The following ATCAY variants were observed in gnomAD, a reference collection of about 807,000 sequenced individuals.
ATCAY encodes caytaxin.
ATCAY carries 22 observed loss-of-function variants against 47.7 expected under a neutral mutation model. That is an observed-to-expected ratio of 0.46 (90% CI 0.33 to 0.66). ATCAY has a LOEUF of 0.66. Ranked by LOEUF, ATCAY falls within the 30% of genes least tolerant of loss-of-function variation. The pLI, the probability that ATCAY is intolerant of heterozygous loss-of-function variation, is 0.02. For missense variants in ATCAY, 452 were observed against 515.0 expected (o/e 0.88, Z 1.18); for synonymous variants, 216 against 207.6 (o/e 1.04, Z -0.35).
intron 2 of ATCAY, among the ~76,000 whole-genome samples, chr19:3,891,528 T>C (rs1298422882): frequency 6.6e-6 from 1 of 151,904 alleles, no homozygotes; most frequent in African/African-American, 2.4e-5. Context: ...GCTGGGTTCA[T>C]GGCACTTCTG....
chr19:3,884,333 A>G (rs2038628350), intron 1 of ATCAY, among the ~76,000 whole-genome samples: 2 of 151,104 alleles, frequency 1.3e-5, no homozygotes, highest in Non-Finnish European at 1.5e-5. Context: ...GGTAGTAAAG[A>G]TGAGGGTCTC....
At chr19:3,886,368 G>C (rs184507519) in intron 2 of ATCAY, among the ~76,000 whole-genome samples, 1 of 152,052 alleles carries the variant, frequency 6.6e-6, no homozygotes, top group South Asian at 2.1e-4. Context: ...CGAGGCGGGC[G>C]GATCATGAGG....
intron 10 of ATCAY, 97 bp from the exon 11 acceptor site, chr19:3,918,709 G>T: frequency 1.5e-6 from 2 of 1,320,302 alleles, no homozygotes; most frequent in African/African-American, 1.5e-5. Flanking sequence ...CAGGTCCCAG[G>T]GGACAGGAAA....
intron 2 of ATCAY, among the ~76,000 whole-genome samples, chr19:3,888,612 AGAGT>A (rs1339343149): frequency 6.6e-6 from 1 of 152,138 alleles, no homozygotes; most frequent in East Asian, 1.9e-4. Flanking sequence ...CCCGGGCAGT[AGAGT>A]GAGTGAGAGT....
In ATCAY at chr19:3,924,658, C is replaced by T. The variant is rs2039051429; in HGVS notation, c.*66C>T. Reference sequence around the variant, plus strand: ...GATGCCAGAAAACCTCTGTCAGACGCCCACTGGCCCCAGATCTCATCCTGC... The same window carrying T: ...GATGCCAGAAAACCTCTGTCAGACGTCCACTGGCCCCAGATCTCATCCTGC... On this transcript the variant is annotated 3_prime_UTR_variant, in exon 13 of 13. Transcript: ENST00000450849. The T allele has an allele frequency of 9.5e-6, 15 of 1,571,736 alleles. No individual in the cohort carries two copies. The highest frequency in any genetic ancestry group is 3.4e-5 in the South Asian group (3 of 88,918).
At chr19:3,886,838 C>T (rs978056101) in intron 2 of ATCAY, among the ~76,000 whole-genome samples, 10 of 151,438 alleles carry the variant, frequency 6.6e-5, no homozygotes, top group East Asian at 6.0e-4. Flanking sequence ...CTCATGCCCC[C>T]GAGTAGCTTG....
chr19:3,922,806 A>G (rs142791315), intron 12 of ATCAY, among the ~76,000 whole-genome samples: 5,253 of 152,152 alleles, frequency 0.035, 317 homozygotes, highest in African/African-American at 0.12. Context: ...GTGCAGTGGC[A>G]TGATCTTGGC....
chr19:3,901,287 A>G (rs1349022485), intron 2 of ATCAY, among the ~76,000 whole-genome samples: 1 of 151,918 alleles, frequency 6.6e-6, no homozygotes, highest in African/African-American at 2.4e-5. Context: ...TCTCCTGTTT[A>G]TTTGTTCAGT....
intron 2 of ATCAY, among the ~76,000 whole-genome samples, chr19:3,891,187 G>A (rs1342449989): frequency 6.6e-6 from 1 of 152,012 alleles, no homozygotes; most frequent in Non-Finnish European, 1.5e-5. Flanking sequence ...AAGTAGCTGG[G>A]ATTACAGGTA....
chr19:3,897,091 T>G (rs1418169669), intron 2 of ATCAY, among the ~76,000 whole-genome samples: 1 of 151,990 alleles, frequency 6.6e-6, no homozygotes, highest in Non-Finnish European at 1.5e-5. Flanking sequence ...AAATCTAGAC[T>G]TTTTGCATCT....
At chr19:3,897,263 C>CTATA (rs10677459) in intron 2 of ATCAY, among the ~76,000 whole-genome samples, 17,902 of 143,746 alleles carry the variant, frequency 0.12, 1,228 homozygotes, top group Admixed American at 0.2. Flanking sequence ...TTGAAGTTTG[C>CTATA]TATATATATA....
At chr19:3,920,949 ATGACTTAT>A in intron 12 of ATCAY, 151 bp downstream of exon 12, 2 of 927,844 alleles carry the variant, frequency 2.2e-6, no homozygotes, top group Non-Finnish European at 3.3e-6. Context: ...AAACTGCCCC[ATGACTTAT>A]CGGGAGTGGG....
At chr19:3,894,207 G>A (rs1407192732) in intron 2 of ATCAY, among the ~76,000 whole-genome samples, 2 of 151,750 alleles carry the variant, frequency 1.3e-5, no homozygotes, top group Non-Finnish European at 2.9e-5. Context: ...CTGGGTGGCC[G>A]GGCGCGGTGG....
At chr19:3,918,724 G>A in intron 10 of ATCAY, 82 bp from the exon 11 acceptor site, 1 of 1,471,256 alleles carries the variant, frequency 6.8e-7, no homozygotes, top group Non-Finnish European at 9.4e-7. Context: ...AGGAAAACCA[G>A]AGAGGCCAGT....
intron 2 of ATCAY, among the ~76,000 whole-genome samples, chr19:3,900,101 C>T (rs191548809): frequency 6.6e-6 from 1 of 151,822 alleles, no homozygotes; most frequent in Non-Finnish European, 1.5e-5. Flanking sequence ...TGATCAATAA[C>T]AATATTGATC....
Position 3,907,752 on chromosome 19 carries a change from C to T in ATCAY, c.377C>T (p.Thr126Ile), listed in dbSNP as rs200206649. 9.9e-6 allele frequency: 16 copies of T among 1,614,014 alleles called. No individual in the cohort carries two copies. In the East Asian group the frequency reaches 3.1e-4, roughly 31 times the overall value. Residue 126 changes from threonine (T) to isoleucine (I), a missense_variant, in exon 5 of 13, where the codon ACC becomes ATC. Physicochemically the swap from Thr to Ile is moderately conservative, Grantham distance 89 (BLOSUM62 -1). Coordinates refer to ENST00000450849, the MANE Select transcript of ATCAY (RefSeq NM_033064.5). The surrounding 1 kb of genome is among the most constrained non-coding windows in gnomAD (Gnocchi z 5.1). Reference sequence around the variant, plus strand: ...CTTCTAGACGACACCCCCGTGGCCACCGCCAAGAACATGCCCGGGGACAGC... The same window carrying T: ...CTTCTAGACGACACCCCCGTGGCCATCGCCAAGAACATGCCCGGGGACAGC... ...LEWEDDTPVA[T>I]AKNMPGDSAD...
chr19:3,894,625 CAA>C (rs56732320), intron 2 of ATCAY, among the ~76,000 whole-genome samples: 90 of 75,150 alleles, frequency 1.2e-3, no homozygotes, highest in Middle Eastern at 0.017. Context: ...CCTGTGTCTG[CAA>C]AAAAAAAAAA....
chr19:3,892,492 C>T (rs1171919200), intron 2 of ATCAY, among the ~76,000 whole-genome samples: 4 of 152,112 alleles, frequency 2.6e-5, no homozygotes, highest in South Asian at 2.1e-4. Context: ...TGAGCCACTG[C>T]GCCTGGCCTA....
chr19:3,883,620 C>A (rs1054499437), intron 1 of ATCAY, among the ~76,000 whole-genome samples: 2 of 152,164 alleles, frequency 1.3e-5, no homozygotes, highest in African/African-American at 2.4e-5. Flanking sequence ...CCCTGGCCTG[C>A]CCAGGGGGCA....
Sources: gnomAD v4.1 joint callset for allele counts (sites outside exome capture counted in the v4.1 genomes callset) on GRCh38, gnomAD v4.1.1 for gene constraint, Gnocchi (gnomAD v3.1) non-coding constraint, MANE v1.5 for transcripts, NCBI Gene and HGNC (gene_info 2026-07-23, HGNC 2026-07-21) for gene names.